ABCB11: variants seen among roughly 807,000 people sequenced by gnomAD.
The protein encoded by ABCB11 is ATP binding cassette subfamily B member 11.
In ABCB11, 95 loss-of-function variants were observed where a neutral mutation model predicts 148.0. The ratio of observed to expected loss-of-function variants is 0.64; its 90% confidence interval spans 0.54 to 0.76. The LOEUF is 0.76. Among genes scored for constraint, ABCB11 ranks in the 30% least tolerant of loss-of-function variants. The pLI is 0.00. For missense variants in ABCB11, 1,523 were observed against 1,617.8 expected, an observed-to-expected ratio of 0.94 and a Z score of 1.01; for synonymous variants, 591 against 555.4, an observed-to-expected ratio of 1.06 and a Z score of -0.90.
chr2:168,970,065 C>T lies in ABCB11; in HGVS notation c.1789G>A (p.Val597Met), dbSNP rs72886795. Reference sequence around the variant, plus strand: ...CAAACCTTACTCAGCACTTCTTGCACCATGGCTTCACTCTCATTGTCCAGA... The same window carrying T: ...CAAACCTTACTCAGCACTTCTTGCATCATGGCTTCACTCTCATTGTCCAGA... Reference protein sequence around the residue: ...SALDNESEAMVQEVLSKIQHG... With the variant: ...SALDNESEAMMQEVLSKIQHG... The change falls in exon 15 of 28, where the codon GTG becomes ATG. Residue 597 changes from valine (V) to methionine (M), a missense_variant. Transcript: ENST00000650372. 6.2e-7 allele frequency: 1 copy of T among 1,612,050 alleles called. No individual in the cohort carries two copies. Among genetic ancestry groups the T allele is most frequent in the Non-Finnish European group, 8.5e-7 (1 of 1,178,694 alleles).
rs573894290 is a variant in ABCB11 at position 168,922,819 on chromosome 2, A to G, written c.*803T>C. On this transcript the variant is annotated 3_prime_UTR_variant, in exon 28 of 28. Transcript: ENST00000650372. ...AAGTAAAATGCGCTATTTTCATTTC[A>G]TGAATATAATTTCACAGAAACTAAA... 1 of 152,194 alleles carries G rather than the reference A, an allele frequency of 6.6e-6. No individual in the cohort carries two copies. Among genetic ancestry groups the G allele is most frequent in the Non-Finnish European group, 1.5e-5 (1 of 68,032 alleles). 9.4% of individuals were successfully genotyped at this position (152,194 alleles called of 1,614,324 possible). A position where few individuals can be genotyped will look rare whatever the true frequency, so the allele number is the denominator to read the frequency against.
intron 18 of ABCB11, among the ~76,000 whole-genome samples, chr2:168,961,894 T>C (rs1043898553): frequency 6.6e-6 from 1 of 151,644 alleles, no homozygotes; most frequent in African/African-American, 2.4e-5. Flanking sequence ...CTACAGAAAG[T>C]AAGGTTAGGC....
rs965484637 is a variant in ABCB11, at chr2:168,922,264, G to A, written c.*1358C>T. 1.3e-5 allele frequency among the ~76,000 whole-genome samples: 2 copies of A among 152,134 alleles called. No homozygotes were observed. Among genetic ancestry groups the A allele is most frequent in the East Asian group, 3.9e-4 (2 of 5,188 alleles). On this transcript the variant is annotated 3_prime_UTR_variant, in exon 28 of 28. Transcript: ENST00000650372. ...ACACAGCTTTACATTCAATCCCCCTGTCTCTTGTATGTTAGCTGCCCCTTC... is the reference window on the plus strand; with the variant it reads ...ACACAGCTTTACATTCAATCCCCCTATCTCTTGTATGTTAGCTGCCCCTTC...
intron 19 of ABCB11, among the ~76,000 whole-genome samples, chr2:168,952,838 T>A (rs899558817): frequency 2.6e-5 from 4 of 151,668 alleles, no homozygotes; most frequent in Non-Finnish European, 5.9e-5. Context: ...TATGTAGGCA[T>A]TTAATGCTAT....
intron 17 of ABCB11, among the ~76,000 whole-genome samples, 198 bp downstream of exon 17, chr2:168,968,229 T>TA (rs4148789): frequency 0.54 from 80,775 of 150,938 alleles, 22,053 homozygotes; most frequent in East Asian, 0.74. Flanking sequence ...GATGAGAAGC[T>TA]AACCAAAAAC....
At chr2:168,983,249 C>T (rs1694195348) in intron 10 of ABCB11, among the ~76,000 whole-genome samples, 1 of 152,138 alleles carries the variant, frequency 6.6e-6, no homozygotes, top group Non-Finnish European at 1.5e-5. Context: ...TTTCTCAATG[C>T]TTGTCTTCTT....
At chr2:168,934,408 A>C (rs1380067826) in intron 23 of ABCB11, among the ~76,000 whole-genome samples, 1 of 152,140 alleles carries the variant, frequency 6.6e-6, no homozygotes, top group Non-Finnish European at 1.5e-5. Flanking sequence ...CGACTCGCCC[A>C]TATACATGTG....
chr2:168,954,344 A>G (rs1692695114), intron 19 of ABCB11, among the ~76,000 whole-genome samples: 1 of 150,994 alleles, frequency 6.6e-6, no homozygotes, highest in Non-Finnish European at 1.5e-5. Context: ...TGTTGTTGTG[A>G]TGGTGAGCAA....
chr2:168,936,176 T>G, intron 22 of ABCB11, 54 bp downstream of exon 22: 1 of 1,537,170 alleles, frequency 6.5e-7, no homozygotes, highest in Non-Finnish European at 8.9e-7. Context: ...TTTAACAGTT[T>G]GTCTGATAGC....
chr2:168,969,999 A>G lies in ABCB11; in HGVS notation c.1809+46T>C, dbSNP rs762442477. ...GAGCTGCCTTTCCTGCAGCAGCACA[A>G]GCATTTCCACATGGACCTGTAAAAT... On this transcript the variant is annotated intron_variant, in intron 15 of 27. Coordinates refer to ENST00000650372, the MANE Select transcript of ABCB11 (RefSeq NM_003742.4). The G allele has an allele frequency of 2.5e-6, 4 of 1,592,548 alleles. No individual in the cohort carries two copies. The South Asian group carries it at 3.3e-5, about 13-fold the overall frequency.
chr2:168,936,417 A>T lies in ABCB11; in HGVS notation c.2627T>A (p.Ile876Asn). The T allele has an allele frequency of 1.9e-6, 3 of 1,613,916 alleles. No individual in the cohort carries two copies. The highest frequency in any genetic ancestry group is 2.5e-6 in the Non-Finnish European group (3 of 1,179,870). The change falls in exon 22 of 28, where the codon ATC becomes AAC. Residue 876 changes from isoleucine to asparagine, a missense_variant. Ile to Asn is a moderately radical substitution (Grantham distance 149). Transcript: ENST00000650372. ...AGTGAAGGAATTGACTATCATCCCG[A>T]TCTGAGAGCCGGCAGCCTGCAAACC... Reference protein sequence around the residue: ...SQVQGAAGSQIGMIVNSFTNV... With the variant: ...SQVQGAAGSQNGMIVNSFTNV...
At chr2:168,924,012 C>G (rs1365645876) in intron 27 of ABCB11, among the ~76,000 whole-genome samples, 190 bp from the exon 28 acceptor site, 2 of 152,152 alleles carry the variant, frequency 1.3e-5, no homozygotes, top group African/African-American at 4.8e-5. Context: ...TGGCAGTGCA[C>G]TGGCTGAGAA....
At chr2:168,935,784 G>T (rs1691791140) in intron 22 of ABCB11, among the ~76,000 whole-genome samples, 1 of 152,168 alleles carries the variant, frequency 6.6e-6, no homozygotes, top group Non-Finnish European at 1.5e-5. Flanking sequence ...AAAGACACTT[G>T]CCCCAAGCCT....
chr2:168,955,932 G>A (rs972736082), intron 19 of ABCB11, among the ~76,000 whole-genome samples: 6 of 151,652 alleles, frequency 4.0e-5, no homozygotes, highest in Admixed American at 6.6e-5. Flanking sequence ...ACCCAGCATG[G>A]CAGTCGTTAA....
intron 13 of ABCB11, 51 bp from the exon 14 acceptor site, chr2:168,972,101 G>C: frequency 3.9e-6 from 6 of 1,531,792 alleles, no homozygotes; most frequent in Non-Finnish European, 5.4e-6. Context: ...TCAGGGTTCT[G>C]AATCATAATA....
At chr2:168,974,265 A>C (rs1693718345) in intron 12 of ABCB11, among the ~76,000 whole-genome samples, 1 of 152,060 alleles carries the variant, frequency 6.6e-6, no homozygotes, top group South Asian at 2.1e-4. Flanking sequence ...ATTAACAGTA[A>C]GGAAATTTGC....
chr2:169,016,474 G>A (rs1404056816), intron 3 of ABCB11, among the ~76,000 whole-genome samples: 1 of 152,150 alleles, frequency 6.6e-6, no homozygotes, highest in Non-Finnish European at 1.5e-5. Flanking sequence ...TTGGGGTTTA[G>A]AGACCTCTCC....
chr2:168,925,992 T>C (rs1347409077), intron 26 of ABCB11, among the ~76,000 whole-genome samples: 1 of 152,174 alleles, frequency 6.6e-6, no homozygotes, highest in Non-Finnish European at 1.5e-5. Flanking sequence ...AGGTAAGAAC[T>C]GGGCCAAGAG....
rs553314589 is a variant in ABCB11, at chr2:168,923,090, G to A, written c.*532C>T. 1 of 156,812 alleles carries A rather than the reference G, an allele frequency of 6.4e-6. No homozygotes were observed. Among genetic ancestry groups the A allele is most frequent in the South Asian group, 1.9e-4 (1 of 5,198 alleles). 9.7% of individuals were successfully genotyped at this position (156,812 alleles called of 1,614,324 possible). On this transcript the variant is annotated 3_prime_UTR_variant, in exon 28 of 28. Coordinates refer to ENST00000650372, the MANE Select transcript of ABCB11 (RefSeq NM_003742.4). ...TTAGCCTTAGAGATGAAGGAAGCTG[G>A]TTTCACTTGAAAGACAAATTTAGTT...
Sources: gnomAD v4.1 joint callset for allele counts (sites outside exome capture counted in the v4.1 genomes callset) on GRCh38, gnomAD v4.1.1 for gene constraint, MANE v1.5 for transcripts, NCBI Gene and HGNC (gene_info 2026-07-23, HGNC 2026-07-21) for gene names.